The following AGPAT1 variants were observed in gnomAD, a reference collection of about 807,000 sequenced individuals.
AGPAT1 encodes the protein 1-acylglycerol-3-phosphate O-acyltransferase 1.
In AGPAT1, 6 loss-of-function variants were observed where a neutral mutation model predicts 31.2. The observed-to-expected ratio is 0.19, with a 90% CI of 0.11 to 0.38. AGPAT1 has a LOEUF of 0.38. Among genes scored for constraint, AGPAT1 ranks in the 10% least tolerant of loss-of-function variants. The pLI is 1.00. For missense variants in AGPAT1, 187 were observed against 377.8 expected, an observed-to-expected ratio of 0.49 and a Z score of 4.19; for synonymous variants, 139 against 154.0, an observed-to-expected ratio of 0.90 and a Z score of 0.72.
At position 32,170,126 on chromosome 6, in the gene AGPAT1, GGTTGGCA is replaced by G; in HGVS notation, c.606+32_606+38del. 1 of 1,611,526 alleles carries G rather than the reference GGTTGGCA, an allele frequency of 6.2e-7. No homozygotes were observed. Among genetic ancestry groups the G allele is most frequent in the Non-Finnish European group, 8.5e-7 (1 of 1,177,674 alleles). ...TGCCCAGAGATGAGGGAATGGTGGGGGTTGGCAGCTGAGTAGCAGAACGAAGAGCAGT... is the reference window on the plus strand; with the variant it reads ...TGCCCAGAGATGAGGGAATGGTGGGGGCTGAGTAGCAGAACGAAGAGCAGT... On this transcript the variant is annotated intron_variant, in intron 5 of 6. Transcript: ENST00000375107. This position sits in a 1 kb window ranked among gnomAD's most constrained non-coding sequence, Gnocchi z 7.7.
Position 32,171,200 on chromosome 6 carries a change from TCA to T in AGPAT1, c.200+95_200+96del, listed in dbSNP as rs748719680. The T allele has an allele frequency of 1.0e-5, 16 of 1,598,670 alleles. No individual in the cohort carries two copies. The highest frequency in any genetic ancestry group is 1.3e-5 in the Non-Finnish European group (15 of 1,170,892). On this transcript the variant is annotated intron_variant, in intron 2 of 6. Transcript: ENST00000375107. This position sits in a 1 kb window ranked among gnomAD's most constrained non-coding sequence, Gnocchi z 6.9. Reference sequence around the variant, plus strand: ...CCCCATTCCCTGTCTCTGGTCTCTCTCAGTCTTTTCTACACACACCATGCCCC... The same window carrying T: ...CCCCATTCCCTGTCTCTGGTCTCTCTGTCTTTTCTACACACACCATGCCCC...
rs1380955441 is a variant in AGPAT1, at chr6:32,170,003, T to C, written c.642A>G (p.Gln214=). Residue 214 remains glutamine, a synonymous_variant, in exon 6 of 7, where the codon CAA becomes CAG. Coordinates refer to ENST00000375107, the MANE Select transcript of AGPAT1 (RefSeq NM_006411.4). The surrounding 1 kb of genome is among the most constrained non-coding windows in gnomAD (Gnocchi z 7.7). ...PIVPIVMSSY[Q]DFYCKKERRF... ...GACGCTCCTTCTTGCAGTAGAAGTCTTGGTAGGAGGACATGACTATGGGGA... is the reference window on the plus strand; with the variant it reads ...GACGCTCCTTCTTGCAGTAGAAGTCCTGGTAGGAGGACATGACTATGGGGA... 6.2e-7 allele frequency: 1 copy of C among 1,613,770 alleles called. No homozygotes were observed. The highest frequency in any genetic ancestry group is 1.7e-5 in the Admixed American group (1 of 60,010).
At position 32,169,028 on chromosome 6, in the gene AGPAT1, A is replaced by G. The variant is rs1309511414; in HGVS notation, c.*248T>C. ...TGAGGGGGAGGCAACTGTCCCACAG[A>G]CAAGACAGTAGGAGGTGGGGGTCAA... On this transcript the variant is annotated 3_prime_UTR_variant, in exon 7 of 7. Coordinates refer to ENST00000375107, the MANE Select transcript of AGPAT1 (RefSeq NM_006411.4). The surrounding 1 kb of genome is among the most constrained non-coding windows in gnomAD (Gnocchi z 5.9). The G allele has an allele frequency of 1.8e-6, 1 of 556,844 alleles. No individual in the cohort carries two copies. The highest frequency in any genetic ancestry group is 3.2e-6 in the Non-Finnish European group (1 of 312,438). The allele number at this position is 556,844 out of a possible 1,614,324, so 34.5% of individuals were successfully genotyped here.
chr6:32,177,104 T>A (rs1245690370), upstream of AGPAT1: 1 of 398,686 alleles, frequency 2.5e-6, no homozygotes, highest in African/African-American at 2.1e-5. Flanking sequence ...ACGCAACTGC[T>A]AACTTCTCAT....
Position 32,176,059 on chromosome 6 carries a change from T to C in AGPAT1, c.-255A>G. 1.1e-6 allele frequency: 1 copy of C among 887,070 alleles called. No individual in the cohort carries two copies. The highest frequency in any genetic ancestry group is 1.3e-6 in the Non-Finnish European group (1 of 744,196). The allele number at this position is 887,070 out of a possible 1,614,324, so 54.9% of individuals were successfully genotyped here. A position where few individuals can be genotyped will look rare whatever the true frequency, so the allele number is the denominator to read the frequency against. ...CCTCCCTCCCTTTCTGCTGTCTCTCTGAGGGCTGGGGCTGCTGCCGCCGCT... is the reference window on the plus strand; with the variant it reads ...CCTCCCTCCCTTTCTGCTGTCTCTCCGAGGGCTGGGGCTGCTGCCGCCGCT... On this transcript the variant is annotated 5_prime_UTR_variant, in exon 1 of 7. Coordinates refer to ENST00000375107, the MANE Select transcript of AGPAT1 (RefSeq NM_006411.4).
chr6:32,172,893 C>T lies in AGPAT1; in HGVS notation c.-9-1388G>A, dbSNP rs569208223. The T allele has an allele frequency of 1.3e-5, 2 of 152,346 alleles. No homozygotes were observed. Among genetic ancestry groups the T allele is most frequent in the African/African-American group, 2.4e-5 (1 of 41,580 alleles). The allele number at this position is 152,346 out of a possible 1,614,324, so 9.4% of individuals were successfully genotyped here. On this transcript the variant is annotated intron_variant, in intron 1 of 6. Transcript: ENST00000375107. This position sits in a 1 kb window ranked among gnomAD's most constrained non-coding sequence, Gnocchi z 4.3. ...AATGCATAACTAGAAAAATCCCTCTCCACCCAGGCAGCTCCCCTATTCCTA... is the reference window on the plus strand; with the variant it reads ...AATGCATAACTAGAAAAATCCCTCTTCACCCAGGCAGCTCCCCTATTCCTA...
rs1420859526 is a variant in AGPAT1, at chr6:32,174,773, A to C, written c.-10+1041T>G. 1.3e-5 allele frequency among the ~76,000 whole-genome samples: 2 copies of C among 152,246 alleles called. No individual in the cohort carries two copies. The highest frequency in any genetic ancestry group is 6.5e-5 in the Admixed American group (1 of 15,290). On this transcript the variant is annotated intron_variant, in intron 1 of 6. Transcript: ENST00000375107. This position sits in a 1 kb window ranked among gnomAD's most constrained non-coding sequence, Gnocchi z 4.5. ...TAAGTGACCCTCTTTGGAGAACAAA[A>C]GTCCAAGGATTTAGAAATGCAATGG...
chr6:32,175,807 C>T lies in AGPAT1; in HGVS notation c.-10+7G>A. The T allele has an allele frequency of 2.0e-6, 2 of 985,098 alleles. No individual in the cohort carries two copies. Among genetic ancestry groups the T allele is most frequent in the Non-Finnish European group, 2.4e-6 (2 of 829,506 alleles). The allele number at this position is 985,098 out of a possible 1,614,324, so 61.0% of individuals were successfully genotyped here. A position where few individuals can be genotyped will look rare whatever the true frequency, so the allele number is the denominator to read the frequency against. ...CCCTCCTCCTCCCATCCCTTTCCCG[C>T]CCACACCTCAGAGGGGTAGGGGGCC... On this transcript the variant is annotated splice_region_variant and intron_variant, in intron 1 of 6. Transcript: ENST00000375107. This position sits in a 1 kb window ranked among gnomAD's most constrained non-coding sequence, Gnocchi z 4.5.
rs775831642 is a variant in AGPAT1 at position 32,169,230 on chromosome 6, GGGGA to G, written c.*42_*45del. Reference sequence around the variant, plus strand: ...CAGGGCCCACTGGGTGGGTAGGTGTGGGGAGGAAGATGGGGACAGATGGGAGGAG... The same window carrying G: ...CAGGGCCCACTGGGTGGGTAGGTGTGGGAAGATGGGGACAGATGGGAGGAG... On this transcript the variant is annotated 3_prime_UTR_variant, in exon 7 of 7. Transcript: ENST00000375107. The surrounding 1 kb of genome is among the most constrained non-coding windows in gnomAD (Gnocchi z 5.9). 6.3e-7 allele frequency: 1 copy of G among 1,596,800 alleles called. No homozygotes were observed. The highest frequency in any genetic ancestry group is 2.2e-5 in the East Asian group (1 of 44,650).
chr6:32,173,659 C>T lies in AGPAT1; in HGVS notation c.-9-2154G>A, dbSNP rs1785289844. On this transcript the variant is annotated intron_variant, in intron 1 of 6. Transcript: ENST00000375107. This position sits in a 1 kb window ranked among gnomAD's most constrained non-coding sequence, Gnocchi z 4.7. ...ACTTCAGTTCCTCAGACACCATGAT[C>T]TTTCATGCTTCCCCACCTTGAACAT... Among the ~76,000 whole-genome samples the T allele has an allele frequency of 6.6e-6, 1 of 152,218 alleles. No individual in the cohort carries two copies. Among genetic ancestry groups the T allele is most frequent in the Admixed American group, 6.5e-5 (1 of 15,280 alleles).
Position 32,171,936 on chromosome 6 carries a change from A to G in AGPAT1, c.-9-431T>C. The G allele has an allele frequency of 4.8e-6, 1 of 209,154 alleles. No homozygotes were observed. The highest frequency in any genetic ancestry group is 1.1e-4 in the East Asian group (1 of 8,976). The allele number at this position is 209,154 out of a possible 1,614,324, so 13.0% of individuals were successfully genotyped here. On this transcript the variant is annotated intron_variant, in intron 1 of 6. Coordinates refer to ENST00000375107, the MANE Select transcript of AGPAT1 (RefSeq NM_006411.4). The surrounding 1 kb of genome is among the most constrained non-coding windows in gnomAD (Gnocchi z 6.9). ...GAACTGAGATGTGCTGGAAATGTAA[A>G]ATACACATCAGATTTCAAAGACTGA...
chr6:32,171,619 C>A lies in AGPAT1; in HGVS notation c.-9-114G>T. 3 of 1,385,600 alleles carry A rather than the reference C, an allele frequency of 2.2e-6. No homozygotes were observed. The highest frequency in any genetic ancestry group is 1.4e-5 in the South Asian group (1 of 73,784). 85.8% of individuals were successfully genotyped at this position (1,385,600 alleles called of 1,614,324 possible). ...GCTATGAGGACAAGGGCCTGAGACACAAACTGGGGCAGGGGTCTCATTGAA... is the reference window on the plus strand; with the variant it reads ...GCTATGAGGACAAGGGCCTGAGACAAAAACTGGGGCAGGGGTCTCATTGAA... On this transcript the variant is annotated intron_variant, in intron 1 of 6. Transcript: ENST00000375107. This position sits in a 1 kb window ranked among gnomAD's most constrained non-coding sequence, Gnocchi z 6.9.
In AGPAT1 at chr6:32,171,311, G is replaced by A. The variant is rs757244240; in HGVS notation, c.186C>T (p.Asn62=). ...TTGCCCCTCACTTCATGTTCTCGAC[G>A]TTGCGTCCTCGCACGGCACACACAG... ...AIPVCAVRGR[N]VENMKILRLM... The change falls in exon 2 of 7, where the codon AAC becomes AAT. Residue 62 remains asparagine, a synonymous_variant. Coordinates refer to ENST00000375107, the MANE Select transcript of AGPAT1 (RefSeq NM_006411.4). The surrounding 1 kb of genome is among the most constrained non-coding windows in gnomAD (Gnocchi z 6.9). 10 of 1,612,896 alleles carry A rather than the reference G, an allele frequency of 6.2e-6. No individual in the cohort carries two copies. In the Admixed American group the frequency reaches 6.7e-5, roughly 11 times the overall value.
upstream of AGPAT1, chr6:32,177,274 T>C (rs747495846): frequency 1.2e-4 from 46 of 394,354 alleles, no homozygotes; most frequent in Admixed American, 1.8e-4. Flanking sequence ...TCAGTGATTG[T>C]AGGAAAAGCC....
chr6:32,170,545 C>CA lies in AGPAT1; in HGVS notation c.389dup (p.Trp131ValfsTer31). 1 of 1,612,940 alleles carries CA rather than the reference C, an allele frequency of 6.2e-7. No homozygotes were observed. Among genetic ancestry groups the CA allele is most frequent in the Non-Finnish European group, 8.5e-7 (1 of 1,180,038 alleles). On this transcript the variant is annotated frameshift_variant, in exon 4 of 7. Coordinates refer to ENST00000375107, the MANE Select transcript of AGPAT1 (RefSeq NM_006411.4). LOFTEE classifies it high-confidence loss of function. This position sits in a 1 kb window ranked among gnomAD's most constrained non-coding sequence, Gnocchi z 7.7. ...AGGCCAGCCCGGCAGAGCCAGCCCA[C>CA]AGTAGCTCGCGCTTGGCAATGGGCA...
At chr6:32,176,322 T>C (rs1054189070), upstream of AGPAT1, among the ~76,000 whole-genome samples, 5 of 152,202 alleles carry the variant, frequency 3.3e-5, no homozygotes, top group African/African-American at 4.8e-5. Flanking sequence ...CTGGATCCCC[T>C]GGTGCTGTAT....
Position 32,169,294 on chromosome 6 carries a change from C to G in AGPAT1, c.834G>C (p.Lys278Asn). 1 of 1,612,878 alleles carries G rather than the reference C, an allele frequency of 6.2e-7. No individual in the cohort carries two copies. The highest frequency in any genetic ancestry group is 8.5e-7 in the Non-Finnish European group (1 of 1,179,900). Residue 278 changes from lysine to asparagine, a missense_variant, in exon 7 of 7, where the codon AAG becomes AAC. Around this residue, in one of 3 missense-constraint regions of AGPAT1, gnomAD observed 29 missense variants for 33.8 expected, o/e 0.86. Coordinates refer to ENST00000375107, the MANE Select transcript of AGPAT1 (RefSeq NM_006411.4). The surrounding 1 kb of genome is among the most constrained non-coding windows in gnomAD (Gnocchi z 5.9). ...DGRGGGDYLK[K>N]PGGGG ...CCAGGGTTCACCCACCGCCCCCAGG[C>G]TTCTTCAGATAGTCACCACCACCCC... is the stretch of plus-strand genomic sequence containing the variant.
chr6:32,175,782 CCCT>C lies in AGPAT1; in HGVS notation c.-10+29_-10+31del, dbSNP rs1785488290. On this transcript the variant is annotated intron_variant, in intron 1 of 6. Transcript: ENST00000375107. The surrounding 1 kb of genome is among the most constrained non-coding windows in gnomAD (Gnocchi z 4.5). ...TCCTAGTCGCTTTCAGCACCCTCTT[CCCT>C]CCTCCTCCCATCCCTTTCCCGCCCA... 23 of 970,278 alleles carry C rather than the reference CCCT, an allele frequency of 2.4e-5. No homozygotes were observed. The highest frequency in any genetic ancestry group is 6.1e-5 in the Admixed American group (1 of 16,270). 60.1% of individuals were successfully genotyped at this position (970,278 alleles called of 1,614,324 possible). A position where few individuals can be genotyped will look rare whatever the true frequency, so the allele number is the denominator to read the frequency against.
chr6:32,170,890 G>C lies in AGPAT1; in HGVS notation c.334+47C>G. On this transcript the variant is annotated intron_variant, in intron 3 of 6. Coordinates refer to ENST00000375107, the MANE Select transcript of AGPAT1 (RefSeq NM_006411.4). The surrounding 1 kb of genome is among the most constrained non-coding windows in gnomAD (Gnocchi z 7.7). The stretch of plus-strand genomic sequence containing the variant: ...GAAGATATTCTAGGGAAGGTTTCAG[G>C]AGGGGAGGCATGGCTGGGGGAGGTG... 2 of 1,587,252 alleles carry C rather than the reference G, an allele frequency of 1.3e-6. No individual in the cohort carries two copies. Among genetic ancestry groups the C allele is most frequent in the Non-Finnish European group, 1.7e-6 (2 of 1,162,496 alleles).
Sources: allele counts gnomAD v4.1 joint callset (sites outside exome capture counted in the v4.1 genomes callset), GRCh38; gene constraint gnomAD v4.1.1; regional missense constraint gnomAD v4.1.1; non-coding constraint Gnocchi (gnomAD v3.1); transcripts MANE v1.5; gene names NCBI Gene and HGNC (gene_info 2026-07-23, HGNC 2026-07-21).